FGD3: variants seen among roughly 807,000 people sequenced by gnomAD.
The protein encoded by FGD3 is FYVE, RhoGEF and PH domain-containing protein 3.
In FGD3, 45 loss-of-function variants were observed where a neutral mutation model predicts 71.8. That is an observed-to-expected ratio of 0.63 (90% CI 0.49 to 0.80). FGD3 has a LOEUF of 0.80. Among genes scored for constraint, FGD3 ranks in the 30% least tolerant of loss-of-function variants. The probability of loss-of-function intolerance (pLI) is 0.00; values close to 1 mark genes in which losing one functional copy is unlikely to be tolerated. For missense variants in FGD3, 844 were observed against 951.5 expected (o/e 0.89, Z 1.49); for synonymous variants, 378 against 392.8 (o/e 0.96, Z 0.44).
chr9:93,020,954 C>T (rs1861896036), intron 13 of FGD3, among the ~76,000 whole-genome samples: 1 of 152,228 alleles, frequency 6.6e-6, no homozygotes, highest in Non-Finnish European at 1.5e-5. Context: ...GGAGGAAGCG[C>T]TCCTTCATGA....
chr9:92,949,568 AG>A (rs1445474124), intron 1 of FGD3, among the ~76,000 whole-genome samples: 1 of 152,056 alleles, frequency 6.6e-6, no homozygotes, highest in East Asian at 1.9e-4. Flanking sequence ...CATCCCAACG[AG>A]GGATATCCAG....
chr9:93,028,995 GTTTTT>G (rs869235976), intron 14 of FGD3, among the ~76,000 whole-genome samples: 763 of 51,736 alleles, frequency 0.015, 58 homozygotes, highest in South Asian at 0.036. Context: ...TGTCCTCACA[GTTTTT>G]TTTTTTTTTT....
intron 17 of FGD3, 78 bp downstream of exon 17, chr9:93,034,759 GC>G: frequency 6.8e-7 from 1 of 1,480,896 alleles, no homozygotes; most frequent in Non-Finnish European, 9.1e-7. Context: ...GCAGGCCTGT[GC>G]CACCAGCTGG....
chr9:92,987,190 T>C (rs2118630152), intron 3 of FGD3, among the ~76,000 whole-genome samples: 1 of 152,190 alleles, frequency 6.6e-6, no homozygotes, highest in East Asian at 1.9e-4. Context: ...GCCAGCACTT[T>C]GGGAGGCTGA....
At chr9:93,024,155 C>T (rs1299301673) in intron 14 of FGD3, among the ~76,000 whole-genome samples, 1 of 152,174 alleles carries the variant, frequency 6.6e-6, no homozygotes, top group Non-Finnish European at 1.5e-5. Context: ...GCTGGCTGTG[C>T]CCCAGACTCA....
chr9:92,966,773 C>T (rs890997980), intron 1 of FGD3, among the ~76,000 whole-genome samples: 1 of 152,248 alleles, frequency 6.6e-6, no homozygotes, highest in Non-Finnish European at 1.5e-5. Context: ...TGGACACCCC[C>T]AGCTGGGCAG....
intron 1 of FGD3, among the ~76,000 whole-genome samples, chr9:92,948,231 CT>C (rs888688783): frequency 6.6e-6 from 1 of 152,120 alleles, no homozygotes; most frequent in African/African-American, 2.4e-5. Context: ...CTGAGATTGT[CT>C]TTTCTTTTTG....
chr9:92,951,965 G>A (rs183884527), intron 1 of FGD3, among the ~76,000 whole-genome samples: 1 of 152,194 alleles, frequency 6.6e-6, no homozygotes, highest in Admixed American at 6.5e-5. Flanking sequence ...ATCTTCAGTG[G>A]CAAAAGGGGC....
At chr9:93,011,084 C>G in intron 7 of FGD3, 130 bp from the exon 8 acceptor site, 3 of 935,198 alleles carry the variant, frequency 3.2e-6, no homozygotes, top group Middle Eastern at 2.1e-4. Context: ...TCTAGAGTAG[C>G]CCAGGCACCC....
chr9:93,034,994 C>T (rs961317469), intron 17 of FGD3, among the ~76,000 whole-genome samples: 1 of 152,170 alleles, frequency 6.6e-6, no homozygotes, highest in Non-Finnish European at 1.5e-5. Context: ...GGCCCGGCCC[C>T]TTGGAGCCCC....
intron 14 of FGD3, among the ~76,000 whole-genome samples, chr9:93,027,392 C>T (rs1862153356): frequency 1.3e-5 from 2 of 152,188 alleles, no homozygotes; most frequent in South Asian, 4.1e-4. Context: ...GAGGCCTCAC[C>T]TTGGCTTGGA....
At chr9:92,954,249 T>G (rs1859009519) in intron 1 of FGD3, among the ~76,000 whole-genome samples, 1 of 152,204 alleles carries the variant, frequency 6.6e-6, no homozygotes, top group Non-Finnish European at 1.5e-5. Context: ...GCACCACCCT[T>G]GGACCCCATC....
rs757927790 is a variant in FGD3, at chr9:93,032,960, C to T, written c.1785+87C>T. ...CCTGTGCCCCAGCAGCTCCAGCTGC[C>T]TCTGCTTTCGGAGTGTCCCTGGGAC... On this transcript the variant is annotated intron_variant, in intron 16 of 17. Transcript: ENST00000375482. The T allele has an allele frequency of 2.3e-6, 3 of 1,300,184 alleles. No homozygotes were observed. The South Asian group carries it at 3.5e-5, about 15-fold the overall frequency. The allele number at this position is 1,300,184 out of a possible 1,614,324, so 80.5% of individuals were successfully genotyped here. A position where few individuals can be genotyped will look rare whatever the true frequency, so the allele number is the denominator to read the frequency against.
chr9:92,950,342 G>C (rs559131870), intron 1 of FGD3, among the ~76,000 whole-genome samples: 2 of 151,844 alleles, frequency 1.3e-5, no homozygotes, highest in East Asian at 1.9e-4. Context: ...GCTTGAACCC[G>C]GGAGGCAGAG....
chr9:92,971,508 A>T (rs1348811096), intron 1 of FGD3, among the ~76,000 whole-genome samples: 1 of 148,796 alleles, frequency 6.7e-6, no homozygotes, highest in Non-Finnish European at 1.5e-5. Context: ...AAACTCACGA[A>T]GTTTGTACAG....
At chr9:93,027,137 C>T (rs956715102) in intron 14 of FGD3, among the ~76,000 whole-genome samples, 1 of 152,170 alleles carries the variant, frequency 6.6e-6, no homozygotes, top group African/African-American at 2.4e-5. Flanking sequence ...TGCAGCACAG[C>T]GAGTGAGAGT....
intron 14 of FGD3, among the ~76,000 whole-genome samples, chr9:93,028,999 T>G (rs56226047): frequency 0.32 from 13,236 of 41,738 alleles, 875 homozygotes; most frequent in African/African-American, 0.43. Flanking sequence ...CTCACAGTTT[T>G]TTTTTTTTTT....
chr9:92,989,504 G>T (rs1860318032), intron 3 of FGD3, among the ~76,000 whole-genome samples: 1 of 152,166 alleles, frequency 6.6e-6, no homozygotes, highest in Non-Finnish European at 1.5e-5. Context: ...AGTTTATTTT[G>T]CCAAGGTTGA....
chr9:93,010,662 GA>G (rs1861296335), intron 7 of FGD3, among the ~76,000 whole-genome samples: 1 of 115,334 alleles, frequency 8.7e-6, no homozygotes, highest in Non-Finnish European at 1.8e-5. Context: ...GGGGGAGAGA[GA>G]GGGATGGAGA....
Sources: allele counts gnomAD v4.1 joint callset (sites outside exome capture counted in the v4.1 genomes callset), GRCh38; gene constraint gnomAD v4.1.1; transcripts MANE v1.5; gene names NCBI Gene and HGNC (gene_info 2026-07-23, HGNC 2026-07-21).